The following YTHDC2 variants were observed in gnomAD, a reference collection of about 807,000 sequenced individuals.
YTHDC2 encodes the protein 3'-5' RNA helicase YTHDC2.
Under a neutral mutation model 174.9 loss-of-function variants are expected in YTHDC2, and 45 were observed. The ratio of observed to expected loss-of-function variants is 0.26; its 90% confidence interval spans 0.20 to 0.33. The LOEUF is 0.33. Among genes scored for constraint, YTHDC2 ranks in the 10% least tolerant of loss-of-function variants. YTHDC2 has a pLI of 1.00. For missense variants in YTHDC2, 1,650 were observed against 1,723.7 expected, an observed-to-expected ratio of 0.96 and a Z score of 0.76; for synonymous variants, 657 against 574.5, an observed-to-expected ratio of 1.14 and a Z score of -2.05.
chr5:113,534,612 C>T (rs1294451946), intron 6 of YTHDC2, among the ~76,000 whole-genome samples: 1 of 151,130 alleles, frequency 6.6e-6, no homozygotes, highest in Non-Finnish European at 1.5e-5. Context: ...TTTTGTATTA[C>T]AAAAATAATA....
intron 26 of YTHDC2, among the ~76,000 whole-genome samples, chr5:113,587,515 GTAATATATATTATGTATTTATATAT>G (rs1303251145): frequency 8.3e-5 from 6 of 72,484 alleles, no homozygotes; most frequent in Admixed American, 2.0e-4. Context: ...GTATTTATAT[GTAATATATATTATGTATTTATATAT>G]TAATATATTG....
intron 26 of YTHDC2, among the ~76,000 whole-genome samples, chr5:113,587,476 A>G (rs1280068951): frequency 4.0e-5 from 5 of 125,782 alleles, no homozygotes; most frequent in African/African-American, 6.1e-5. Flanking sequence ...ATATAAATAT[A>G]TATTATGTAT....
At chr5:113,585,561 A>G (rs1778634077) in intron 26 of YTHDC2, among the ~76,000 whole-genome samples, 1 of 151,558 alleles carries the variant, frequency 6.6e-6, no homozygotes, top group Admixed American at 6.6e-5. Flanking sequence ...GTATACAATC[A>G]TGTAACTATA....
intron 1 of YTHDC2, 99 bp from the exon 2 acceptor site, chr5:113,515,173 A>C: frequency 1.4e-6 from 1 of 701,570 alleles, no homozygotes; most frequent in Admixed American, 2.7e-5. Context: ...AATAAATTTG[A>C]TTGTCTATGT....
chr5:113,548,776 TG>T (rs1776056493), intron 11 of YTHDC2, 109 bp downstream of exon 11: 2 of 1,278,698 alleles, frequency 1.6e-6, no homozygotes, highest in Non-Finnish European at 2.1e-6. Flanking sequence ...TAATAATTGC[TG>T]GTGAATTTCT....
chr5:113,542,973 C>G (rs1241064202), intron 10 of YTHDC2, among the ~76,000 whole-genome samples: 2 of 152,172 alleles, frequency 1.3e-5, no homozygotes, highest in African/African-American at 2.4e-5. Context: ...TTCCCTGGCT[C>G]TAACTTCTTG....
At position 113,561,469 on chromosome 5, in the gene YTHDC2, C is replaced by CTA. The variant is rs1554098921; in HGVS notation, c.2322+288_2322+289dup. ...TCTATCTATCTATCTATCTATCTAT[C>CTA]TATATTTTTTTTTTTTTGAGTCAGA... On this transcript the variant is annotated intron_variant, in intron 18 of 29. Coordinates refer to ENST00000161863, the MANE Select transcript of YTHDC2 (RefSeq NM_022828.5). Among the ~76,000 whole-genome samples the CTA allele has an allele frequency of 2.3e-3, 291 of 125,684 alleles. 2 individuals carry two copies. Among genetic ancestry groups the CTA allele is most frequent in the African/African-American group, 9.4e-3 (248 of 26,304 alleles). The allele number at this position is 125,684 out of a possible 152,430, so 82.5% of individuals were successfully genotyped here.
At chr5:113,525,958 C>T (rs927548342) in intron 3 of YTHDC2, among the ~76,000 whole-genome samples, 2 of 152,046 alleles carry the variant, frequency 1.3e-5, no homozygotes, top group Admixed American at 6.5e-5. Flanking sequence ...TTTCATACCT[C>T]TTCTTTATTC....
intron 11 of YTHDC2, 138 bp downstream of exon 11, chr5:113,548,805 A>C (rs972359327): frequency 7.8e-6 from 9 of 1,160,998 alleles, no homozygotes; most frequent in Non-Finnish European, 1.0e-5. Flanking sequence ...TGGGTTAATA[A>C]TTTTGAATGA....
chr5:113,572,159 G>A (rs906897475), intron 23 of YTHDC2, among the ~76,000 whole-genome samples: 1 of 152,124 alleles, frequency 6.6e-6, no homozygotes, highest in Non-Finnish European at 1.5e-5. Context: ...AGAGATTGTG[G>A]TACATTGTCT....
At chr5:113,566,739 A>G (rs1276384497) in intron 21 of YTHDC2, among the ~76,000 whole-genome samples, 4 of 152,176 alleles carry the variant, frequency 2.6e-5, no homozygotes. Flanking sequence ...GTTGTTAATA[A>G]CAGTCAGAAG....
chr5:113,517,037 T>C (rs1773477809), intron 2 of YTHDC2, among the ~76,000 whole-genome samples: 1 of 152,176 alleles, frequency 6.6e-6, no homozygotes, highest in Admixed American at 6.5e-5. Flanking sequence ...CCAGAAACAC[T>C]TGGGCTAAAT....
chr5:113,577,154 T>G (rs2112776711), intron 23 of YTHDC2, among the ~76,000 whole-genome samples: 1 of 152,292 alleles, frequency 6.6e-6, no homozygotes, highest in African/African-American at 2.4e-5. Context: ...TATACTCTAT[T>G]CCTTTACATT....
intron 8 of YTHDC2, among the ~76,000 whole-genome samples, chr5:113,539,706 T>A (rs977290823): frequency 6.6e-6 from 1 of 152,180 alleles, no homozygotes; most frequent in African/African-American, 2.4e-5. Flanking sequence ...AATTTTAACT[T>A]CATTATTCAT....
intron 4 of YTHDC2, among the ~76,000 whole-genome samples, chr5:113,529,213 A>C (rs1451259829): frequency 6.6e-6 from 1 of 152,196 alleles, no homozygotes; most frequent in Non-Finnish European, 1.5e-5. Flanking sequence ...AATAATTTCA[A>C]GACATGGAGG....
chr5:113,559,773 G>A (rs192662125), intron 17 of YTHDC2, among the ~76,000 whole-genome samples: 103 of 152,314 alleles, frequency 6.8e-4, no homozygotes, highest in African/African-American at 2.4e-3. Context: ...TCAAGGTCCT[G>A]AAGCATTTCT....
At chr5:113,542,243 G>A in intron 9 of YTHDC2, 125 bp from the exon 10 acceptor site, 2 of 985,374 alleles carry the variant, frequency 2.0e-6, no homozygotes, top group Non-Finnish European at 3.0e-6. Context: ...AATTTTTTAT[G>A]TCAAAGCATT....
At chr5:113,544,725 A>T in intron 10 of YTHDC2, among the ~76,000 whole-genome samples, 1 of 150,708 alleles carries the variant, frequency 6.6e-6, no homozygotes, top group Non-Finnish European at 1.5e-5. Context: ...TGTACCTATT[A>T]CTTCAACTGT....
At chr5:113,576,200 A>G (rs981879252) in intron 23 of YTHDC2, among the ~76,000 whole-genome samples, 4 of 152,148 alleles carry the variant, frequency 2.6e-5, no homozygotes, top group African/African-American at 9.7e-5. Context: ...CTTGTAAATG[A>G]TATTTATAGA....
Sources: gnomAD v4.1 joint callset for allele counts (sites outside exome capture counted in the v4.1 genomes callset) on GRCh38, gnomAD v4.1.1 for gene constraint, MANE v1.5 for transcripts, NCBI Gene and HGNC (gene_info 2026-07-23, HGNC 2026-07-21) for gene names.